Variants in TBC1D1 observed in about 807,000 individuals in gnomAD.
TBC1D1 encodes TBC1 domain family member 1, also known as TBC1 (tre-2/USP6, BUB2, cdc16) domain family, member 1.
Under a neutral mutation model 125.6 loss-of-function variants are expected in TBC1D1, and 89 were observed. The observed-to-expected ratio is 0.71, with a 90% CI of 0.60 to 0.85. TBC1D1 has a LOEUF of 0.85. Among genes scored for constraint, TBC1D1 ranks in the 40% least tolerant of loss-of-function variants. TBC1D1 has a pLI of 0.00. For synonymous variants in TBC1D1, 565 were observed against 564.1 expected (o/e 1.00, Z -0.02); for missense variants, 1,377 against 1,469.2 (o/e 0.94, Z 1.03).
At chr4:37,967,116 A>T (rs530569972) in intron 2 of TBC1D1, among the ~76,000 whole-genome samples, 51 of 152,280 alleles carry the variant, frequency 3.3e-4, no homozygotes, top group African/African-American at 1.1e-3. Flanking sequence ...GAAGCACATA[A>T]ATTTAGGCTT....
intron 17 of TBC1D1, among the ~76,000 whole-genome samples, chr4:38,122,681 C>T (rs1271487939): frequency 6.6e-6 from 1 of 152,198 alleles, no homozygotes; most frequent in Non-Finnish European, 1.5e-5. Context: ...TCTCCAGAGC[C>T]TAATACAGTG....
At chr4:37,905,744 A>T (rs1350613773) in intron 2 of TBC1D1, among the ~76,000 whole-genome samples, 2 of 152,252 alleles carry the variant, frequency 1.3e-5, no homozygotes, top group Non-Finnish European at 2.9e-5. Flanking sequence ...TGACCAGTCC[A>T]CTTTCGCTTT....
intron 1 of TBC1D1, among the ~76,000 whole-genome samples, chr4:37,894,626 G>T (rs1311932785): frequency 6.6e-6 from 1 of 152,180 alleles, no homozygotes; most frequent in Non-Finnish European, 1.5e-5. Flanking sequence ...TTTGTTGCCA[G>T]AATTAGTGAA....
intron 12 of TBC1D1, among the ~76,000 whole-genome samples, chr4:38,073,882 TC>T (rs1376500480): frequency 2.0e-5 from 3 of 152,150 alleles, no homozygotes; most frequent in Admixed American, 6.5e-5. Context: ...TGGCAGCCAT[TC>T]TTGAAATCCA....
At chr4:38,056,003 G>A (rs1560706024) in intron 12 of TBC1D1, among the ~76,000 whole-genome samples, 1 of 152,216 alleles carries the variant, frequency 6.6e-6, no homozygotes, top group Non-Finnish European at 1.5e-5. Flanking sequence ...ATTTCTGCTC[G>A]GAAATGCTTT....
At chr4:38,059,162 T>G (rs1211536077) in intron 12 of TBC1D1, among the ~76,000 whole-genome samples, 2 of 152,232 alleles carry the variant, frequency 1.3e-5, no homozygotes, top group Non-Finnish European at 2.9e-5. Flanking sequence ...GAAATTTGCT[T>G]GCATATGTCT....
At chr4:38,042,024 A>C (rs1328643926) in intron 8 of TBC1D1, among the ~76,000 whole-genome samples, 1 of 151,946 alleles carries the variant, frequency 6.6e-6, no homozygotes, top group Non-Finnish European at 1.5e-5. Flanking sequence ...AAAAATACAA[A>C]AATTAGCCAG....
At position 38,121,694 on chromosome 4, in the gene TBC1D1, T is replaced by TTTTTG. The variant is rs540636962; in HGVS notation, c.2963-3243_2963-3239dup. Among the ~76,000 whole-genome samples the TTTTTG allele has an allele frequency of 6.6e-3, 1,010 of 152,278 alleles. 12 individuals are homozygous for TTTTTG. Among genetic ancestry groups the TTTTTG allele is most frequent in the Non-Finnish European group, 7.3e-3 (494 of 68,016 alleles). On this transcript the variant is annotated intron_variant, in intron 17 of 19. Transcript: ENST00000261439. Reference sequence around the variant, plus strand: ...CACTTTTCCAAGGAGAGTTATTGTTTTTTTGTTTTGTTTTGTTTTGTTTTG... The same window carrying TTTTTG: ...CACTTTTCCAAGGAGAGTTATTGTTTTTTTGTTTTGTTTTGTTTTGTTTTGTTTTG...
At chr4:37,941,937 C>T (rs1189802566) in intron 2 of TBC1D1, among the ~76,000 whole-genome samples, 1 of 144,994 alleles carries the variant, frequency 6.9e-6, no homozygotes, top group Non-Finnish European at 1.5e-5. Context: ...GAGTGCTTTA[C>T]TTCCAACTAT....
At chr4:37,997,745 G>C (rs1738121626) in intron 2 of TBC1D1, among the ~76,000 whole-genome samples, 1 of 151,368 alleles carries the variant, frequency 6.6e-6, no homozygotes, top group South Asian at 2.1e-4. Flanking sequence ...CTGGAAATAA[G>C]TAGAAGAAAT....
intron 2 of TBC1D1, among the ~76,000 whole-genome samples, chr4:37,975,611 G>A (rs1444540472): frequency 1.3e-5 from 2 of 152,210 alleles, no homozygotes; most frequent in Admixed American, 1.3e-4. Context: ...CGTCTTCCCA[G>A]ATGCTGGTGT....
Position 38,014,664 on chromosome 4 carries a change from C to G in TBC1D1, c.573C>G (p.Ala191=). Reference sequence around the variant, plus strand: ...TGGCGCACAAGAAGGCTCCGCCGGCCCTGATCGACGAGTGCATCGAGAAGT... The same window carrying G: ...TGGCGCACAAGAAGGCTCCGCCGGCGCTGATCGACGAGTGCATCGAGAAGT... The change falls in exon 3 of 20, where the codon GCC becomes GCG. Residue 191 remains alanine, a synonymous_variant. Coordinates refer to ENST00000261439, the MANE Select transcript of TBC1D1 (RefSeq NM_015173.4). The surrounding 1 kb of genome is among the most constrained non-coding windows in gnomAD (Gnocchi z 5.1). 6.2e-7 allele frequency: 1 copy of G among 1,613,256 alleles called. No homozygotes were observed. Among genetic ancestry groups the G allele is most frequent in the Non-Finnish European group, 8.5e-7 (1 of 1,180,038 alleles).
chr4:37,895,889 G>A (rs1358269673), intron 1 of TBC1D1, among the ~76,000 whole-genome samples: 1 of 152,132 alleles, frequency 6.6e-6, no homozygotes, highest in Non-Finnish European at 1.5e-5. Context: ...TGCTCCCTGT[G>A]GGATTCCTGG....
intron 15 of TBC1D1, among the ~76,000 whole-genome samples, chr4:38,106,130 C>T (rs556324343): frequency 6.6e-6 from 1 of 152,294 alleles, no homozygotes; most frequent in African/African-American, 2.4e-5. Context: ...ATACCCTCGG[C>T]TTCTAGGACA....
intron 14 of TBC1D1, among the ~76,000 whole-genome samples, chr4:38,102,479 G>A (rs1660212338): frequency 6.6e-6 from 1 of 152,080 alleles, no homozygotes; most frequent in South Asian, 2.1e-4. Flanking sequence ...GAAGAAGGGA[G>A]GAAGGGGCCA....
chr4:38,101,031 C>T (rs1301583782), intron 14 of TBC1D1, among the ~76,000 whole-genome samples: 1 of 152,194 alleles, frequency 6.6e-6, no homozygotes, highest in Non-Finnish European at 1.5e-5. Context: ...CCTCTCTTTT[C>T]TTTACCATGA....
intron 2 of TBC1D1, among the ~76,000 whole-genome samples, chr4:37,976,456 C>T (rs954187053): frequency 6.6e-6 from 1 of 152,222 alleles, no homozygotes; most frequent in Non-Finnish European, 1.5e-5. Context: ...CTAATACCCT[C>T]ACTAAACTCA....
At position 37,979,566 on chromosome 4, in the gene TBC1D1, A is replaced by T. The variant is rs190786755; in HGVS notation, c.418-34943A>T. Among the ~76,000 whole-genome samples the T allele has an allele frequency of 6.8e-4, 103 of 152,350 alleles. 1 individual carries two copies. Among genetic ancestry groups the T allele is most frequent in the Admixed American group, 6.7e-3 (103 of 15,306 alleles). On this transcript the variant is annotated intron_variant, in intron 2 of 19. Transcript: ENST00000261439. The stretch of plus-strand genomic sequence containing the variant: ...AATGTACACAATGTGAATAATCTTG[A>T]AGTTGTTATATTTGACTTCAGAATG...
Position 38,118,152 on chromosome 4 carries a change from T to TGCCTC in TBC1D1, c.2923_2927dup (p.Gln977ProfsTer9). On this transcript the variant is annotated frameshift_variant, in exon 17 of 20. Coordinates refer to ENST00000261439, the MANE Select transcript of TBC1D1 (RefSeq NM_015173.4). LOFTEE classifies it high-confidence loss of function. ...CTGCCCCCTGGTTCCTCACCATGTT[T>TGCCTC]GCCTCACAGTTCCCGCTGGGATTCG... 1 of 1,614,216 alleles carries TGCCTC rather than the reference T, an allele frequency of 6.2e-7. No individual in the cohort carries two copies. The highest frequency in any genetic ancestry group is 8.5e-7 in the Non-Finnish European group (1 of 1,180,042).
Sources: allele counts gnomAD v4.1 joint callset (sites outside exome capture counted in the v4.1 genomes callset), GRCh38; gene constraint gnomAD v4.1.1; non-coding constraint Gnocchi (gnomAD v3.1); transcripts MANE v1.5; gene names NCBI Gene and HGNC (gene_info 2026-07-23, HGNC 2026-07-21).